The following ASIC2 variants were observed in gnomAD, a reference collection of about 807,000 sequenced individuals.
ASIC2 encodes acid sensing ion channel subunit 2, also known as acid-sensing ion channel 2.
ASIC2 carries 25 observed loss-of-function variants against 57.3 expected under a neutral mutation model. That is an observed-to-expected ratio of 0.44 (90% CI 0.32 to 0.61). The LOEUF (loss-of-function observed/expected upper bound fraction) is 0.61, where lower values mean the gene tolerates loss of function less well. ASIC2 is among the 20% of genes least tolerant of loss of function. The pLI, the probability that ASIC2 is intolerant of heterozygous loss-of-function variation, is 0.06. For missense variants in ASIC2, 641 were observed against 738.1 expected (o/e 0.87, Z 1.52); for synonymous variants, 319 against 307.5 (o/e 1.04, Z -0.39).
At chr17:33,788,397 G>A (rs563105621) in intron 1 of ASIC2, among the ~76,000 whole-genome samples, 14 of 152,142 alleles carry the variant, frequency 9.2e-5, no homozygotes, top group African/African-American at 2.9e-4. Flanking sequence ...AAAAAGTCAG[G>A]AAAAAATAGA....
intron 1 of ASIC2, among the ~76,000 whole-genome samples, chr17:33,431,071 C>T (rs1309612587): frequency 6.6e-6 from 1 of 152,102 alleles, no homozygotes; most frequent in Non-Finnish European, 1.5e-5. Context: ...AAAGAGAATC[C>T]CCAAGTAGCC....
chr17:33,917,847 A>T (rs1275140591), intron 1 of ASIC2, among the ~76,000 whole-genome samples: 3 of 143,234 alleles, frequency 2.1e-5, no homozygotes, highest in Non-Finnish European at 4.5e-5. Flanking sequence ...CCAGACCATA[A>T]AGCCCGGTAC....
chr17:33,986,186 C>T (rs1448957788), intron 1 of ASIC2, among the ~76,000 whole-genome samples: 1 of 151,876 alleles, frequency 6.6e-6, no homozygotes, highest in Non-Finnish European at 1.5e-5. Context: ...AAACTGTAAG[C>T]TCCATGAGAA....
At chr17:33,588,689 C>T (rs534018042) in intron 1 of ASIC2, among the ~76,000 whole-genome samples, 15 of 152,280 alleles carry the variant, frequency 9.9e-5, no homozygotes, top group African/African-American at 1.7e-4. Context: ...ATCACAGGCT[C>T]ATTTCAGTCC....
At chr17:33,929,925 T>C (rs1345210969) in intron 1 of ASIC2, among the ~76,000 whole-genome samples, 1 of 152,242 alleles carries the variant, frequency 6.6e-6, no homozygotes, top group Non-Finnish European at 1.5e-5. Flanking sequence ...CCTTGGCTCA[T>C]AACAAGCTAC....
At chr17:33,774,146 C>T (rs1183749408) in intron 1 of ASIC2, among the ~76,000 whole-genome samples, 1 of 152,182 alleles carries the variant, frequency 6.6e-6, no homozygotes, top group Non-Finnish European at 1.5e-5. Flanking sequence ...CATATTTCTT[C>T]CCCTGCATCA....
chr17:33,139,215 T>C (rs1376744528), intron 1 of ASIC2, among the ~76,000 whole-genome samples: 3 of 152,160 alleles, frequency 2.0e-5, no homozygotes, highest in Non-Finnish European at 4.4e-5. Flanking sequence ...TGTTAGTTTA[T>C]ATGCTGGGGA....
At chr17:34,020,872 A>G (rs1907134631) in intron 1 of ASIC2, among the ~76,000 whole-genome samples, 1 of 152,134 alleles carries the variant, frequency 6.6e-6, no homozygotes, top group Non-Finnish European at 1.5e-5. Flanking sequence ...TGAGATAACA[A>G]ATGTGTATTG....
chr17:33,601,441 C>G (rs562199643), intron 1 of ASIC2, among the ~76,000 whole-genome samples: 20 of 152,326 alleles, frequency 1.3e-4, no homozygotes, highest in African/African-American at 4.8e-4. Context: ...GTTGCCCCAG[C>G]TGTGGCTCAG....
intron 1 of ASIC2, among the ~76,000 whole-genome samples, chr17:34,153,355 T>C (rs549866120): frequency 3.0e-4 from 46 of 152,180 alleles, no homozygotes; most frequent in African/African-American, 1.1e-3. Flanking sequence ...ATAAGCCAAC[T>C]GGAGAGGGAT....
At chr17:33,824,470 AGG>A (rs1912846406) in intron 1 of ASIC2, among the ~76,000 whole-genome samples, 1 of 152,034 alleles carries the variant, frequency 6.6e-6, no homozygotes, top group East Asian at 1.9e-4. Context: ...TAAAGAAAAA[AGG>A]CTGTATAGCA....
At chr17:33,804,201 A>G (rs192371115) in intron 1 of ASIC2, among the ~76,000 whole-genome samples, 3 of 152,338 alleles carry the variant, frequency 2.0e-5, no homozygotes, top group Admixed American at 6.5e-5. Context: ...TCTGCTTCAC[A>G]TTAGGAATAT....
chr17:34,151,534 T>C (rs1904526688), intron 1 of ASIC2, among the ~76,000 whole-genome samples: 1 of 151,976 alleles, frequency 6.6e-6, no homozygotes, highest in African/African-American at 2.4e-5. Flanking sequence ...CTTCCTAGAG[T>C]TGAGTTTGGG....
At chr17:34,151,113 A>T (rs865878081) in intron 1 of ASIC2, among the ~76,000 whole-genome samples, 6,626 of 142,036 alleles carry the variant, frequency 0.047, 535 homozygotes, top group African/African-American at 0.16. Flanking sequence ...AAGAAAAAAA[A>T]AAAAAAAAAA....
intron 1 of ASIC2, among the ~76,000 whole-genome samples, chr17:33,689,828 A>T (rs1009299766): frequency 6.6e-6 from 1 of 152,214 alleles, no homozygotes; most frequent in African/African-American, 2.4e-5. Flanking sequence ...AGGCCATGTG[A>T]TAGAATTGGA....
At chr17:33,691,929 TC>T (rs1908383658) in intron 1 of ASIC2, among the ~76,000 whole-genome samples, 1 of 152,196 alleles carries the variant, frequency 6.6e-6, no homozygotes, top group Non-Finnish European at 1.5e-5. Flanking sequence ...TGTGATAACA[TC>T]ATAAAGTGCA....
At chr17:33,015,892 C>A in intron 9 of ASIC2, 79 bp downstream of exon 9, 2 of 1,504,096 alleles carry the variant, frequency 1.3e-6, no homozygotes, top group Admixed American at 1.7e-5. Context: ...TCTTTCCTGC[C>A]CGGCCCCAGC....
intron 1 of ASIC2, among the ~76,000 whole-genome samples, chr17:33,866,531 G>C (rs1352730): frequency 0.27 from 40,927 of 151,942 alleles, 5,674 homozygotes; most frequent in Non-Finnish European, 0.28. Flanking sequence ...ATTCCTAGGA[G>C]TGAAATTCTG....
At chr17:33,216,338 G>C (rs1239624723) in intron 1 of ASIC2, among the ~76,000 whole-genome samples, 1 of 152,214 alleles carries the variant, frequency 6.6e-6, no homozygotes, top group Non-Finnish European at 1.5e-5. Flanking sequence ...CATTCATTCA[G>C]CTGGCTGTGC....
Sources: gnomAD v4.1 joint callset for allele counts (sites outside exome capture counted in the v4.1 genomes callset) on GRCh38, gnomAD v4.1.1 for gene constraint, MANE v1.5 for transcripts, NCBI Gene and HGNC (gene_info 2026-07-23, HGNC 2026-07-21) for gene names.